The following TBC1D5 variants were observed in gnomAD, a reference collection of about 807,000 sequenced individuals.
TBC1D5 encodes TBC1 domain family, member 5.
In TBC1D5, 75 loss-of-function variants were observed where a neutral mutation model predicts 100.3. The ratio of observed to expected loss-of-function variants is 0.75; its 90% CI spans 0.62 to 0.91. The LOEUF is 0.91. Among genes scored for constraint, TBC1D5 ranks in the 40% least tolerant of loss-of-function variants. TBC1D5 has a pLI of 0.00. For synonymous variants in TBC1D5, 323 were observed against 325.6 expected, an observed-to-expected ratio of 0.99 and a Z score of 0.09; for missense variants, 910 against 942.4, an observed-to-expected ratio of 0.97 and a Z score of 0.45.
intron 1 of TBC1D5, among the ~76,000 whole-genome samples, chr3:17,667,984 A>G (rs1439157501): frequency 6.6e-6 from 1 of 151,776 alleles, no homozygotes; most frequent in Non-Finnish European, 1.5e-5. Flanking sequence ...TATTTCAAAC[A>G]GGTCCCCATT....
intron 2 of TBC1D5, among the ~76,000 whole-genome samples, chr3:17,531,986 G>A (rs1219422547): frequency 6.6e-6 from 1 of 152,100 alleles, no homozygotes; most frequent in Non-Finnish European, 1.5e-5. Flanking sequence ...TTGACAAATG[G>A]GATCTAATTA....
At chr3:17,483,404 T>C (rs1025871126) in intron 3 of TBC1D5, among the ~76,000 whole-genome samples, 2 of 152,334 alleles carry the variant, frequency 1.3e-5, no homozygotes, top group Non-Finnish European at 2.9e-5. Context: ...CCTATTTATA[T>C]TTGCCTTGGC....
chr3:17,487,422 A>ACC (rs2095583368), intron 3 of TBC1D5, among the ~76,000 whole-genome samples: 1 of 152,186 alleles, frequency 6.6e-6, no homozygotes, highest in African/African-American at 2.4e-5. Flanking sequence ...CATTTTTTGA[A>ACC]AAGCACTTTG....
At chr3:17,424,007 T>C (rs2094280214) in intron 4 of TBC1D5, among the ~76,000 whole-genome samples, 1 of 152,068 alleles carries the variant, frequency 6.6e-6, no homozygotes, top group Non-Finnish European at 1.5e-5. Flanking sequence ...ATAAGTTATT[T>C]TCTATATTGG....
At chr3:17,677,856 T>A (rs1387549563) in intron 1 of TBC1D5, among the ~76,000 whole-genome samples, 5 of 152,146 alleles carry the variant, frequency 3.3e-5, no homozygotes, top group Non-Finnish European at 5.9e-5. Context: ...GGGACATGGA[T>A]GAAGCTGGAA....
At chr3:17,346,052 T>C (rs922932870) in intron 13 of TBC1D5, among the ~76,000 whole-genome samples, 30 of 152,290 alleles carry the variant, frequency 2.0e-4, no homozygotes, top group African/African-American at 7.0e-4. Flanking sequence ...ACATGTACCC[T>C]AAAACTTAAA....
chr3:17,422,629 C>G (rs949448679), intron 4 of TBC1D5, among the ~76,000 whole-genome samples: 2 of 152,146 alleles, frequency 1.3e-5, no homozygotes, highest in Non-Finnish European at 2.9e-5. Context: ...TTCTAATATA[C>G]TAAATCACTG....
Position 17,256,812 on chromosome 3 carries a change from T to C in TBC1D5, c.1331+1694A>G, listed in dbSNP as rs193277468. On this transcript the variant is annotated intron_variant, in intron 16 of 21. Coordinates refer to ENST00000253692, the Ensembl canonical transcript of TBC1D5. ...GTTCATGATGATGGGATAGAGTGAA[T>C]AGGGGAGGTGAAGACAGGCAGGAGG... Among the ~76,000 whole-genome samples, 16 of 152,150 alleles carry C rather than the reference T, an allele frequency of 1.1e-4. No individual in the cohort carries two copies. In the East Asian group the frequency reaches 2.3e-3, roughly 22 times the overall value.
intron 2 of TBC1D5, among the ~76,000 whole-genome samples, chr3:17,530,882 G>C (rs991420674): frequency 2.0e-5 from 3 of 152,260 alleles, no homozygotes; most frequent in African/African-American, 7.2e-5. Context: ...ATATCATACC[G>C]AATGGACAAA....
At chr3:17,444,983 T>C (rs1015584677) in intron 3 of TBC1D5, among the ~76,000 whole-genome samples, 35 of 152,164 alleles carry the variant, frequency 2.3e-4, no homozygotes, top group African/African-American at 7.7e-4. Context: ...GAGAAATAAC[T>C]TCATTGAAAG....
At chr3:17,188,897 G>T (rs1487234715) in intron 18 of TBC1D5, among the ~76,000 whole-genome samples, 1 of 152,194 alleles carries the variant, frequency 6.6e-6, no homozygotes, top group Admixed American at 6.5e-5. Context: ...AGTGTTAATT[G>T]TTATGTGTAA....
chr3:17,654,221 AT>A (rs2065846190), intron 1 of TBC1D5, among the ~76,000 whole-genome samples: 2 of 152,160 alleles, frequency 1.3e-5, no homozygotes, highest in African/African-American at 4.8e-5. Context: ...AAGTATATTC[AT>A]TTTAGCAATA....
rs527788782 is a variant in TBC1D5, at chr3:17,679,150, T to C, written c.-100-55237A>G. 3.3e-5 allele frequency among the ~76,000 whole-genome samples: 5 copies of C among 150,720 alleles called. 1 individual carries two copies. In the South Asian group the frequency reaches 6.3e-4, roughly 19 times the overall value. Reference sequence around the variant, plus strand: ...TAAAGGTATCCAATCTCTGAGGAGATTGCTAAAATGTGGGACAGTGTGACT... The same window carrying C: ...TAAAGGTATCCAATCTCTGAGGAGACTGCTAAAATGTGGGACAGTGTGACT... On this transcript the variant is annotated intron_variant, in intron 1 of 21. Transcript: ENST00000253692.
intron 4 of TBC1D5, among the ~76,000 whole-genome samples, chr3:17,411,642 T>C (rs112092662): frequency 0.023 from 3,561 of 152,216 alleles, 64 homozygotes; most frequent in Admixed American, 0.036. Flanking sequence ...TACTAAGAAA[T>C]TGTAAAAGTA....
At chr3:17,740,375 C>A (rs186378554) in exon 1 of TBC1D5, 38 of 151,138 alleles carry the variant, frequency 2.5e-4, no homozygotes, top group African/African-American at 8.3e-4. Flanking sequence ...GCACTTACAA[C>A]AGTGTCCGGC....
chr3:17,472,191 T>C (rs1576206871), intron 3 of TBC1D5, among the ~76,000 whole-genome samples: 1 of 150,968 alleles, frequency 6.6e-6, no homozygotes, highest in Admixed American at 6.6e-5. Context: ...CAGGCTGGAG[T>C]GCAGTGATGT....
chr3:17,596,231 G>C (rs2060553882), intron 2 of TBC1D5, among the ~76,000 whole-genome samples: 1 of 151,594 alleles, frequency 6.6e-6, no homozygotes, highest in African/African-American at 2.4e-5. Flanking sequence ...AATCACTTGA[G>C]AAGCTTATTA....
At chr3:17,377,698 T>A (rs1470135132) in intron 9 of TBC1D5, among the ~76,000 whole-genome samples, 1 of 152,036 alleles carries the variant, frequency 6.6e-6, no homozygotes, top group Non-Finnish European at 1.5e-5. Flanking sequence ...AGTCTAGTAG[T>A]ACTGTACTAT....
At chr3:17,372,738 A>G (rs2092527444) in intron 12 of TBC1D5, among the ~76,000 whole-genome samples, 1 of 152,234 alleles carries the variant, frequency 6.6e-6, no homozygotes, top group South Asian at 2.1e-4. Flanking sequence ...TGATGTTCAT[A>G]TAAGTCTATG....
Sources: gnomAD v4.1 joint callset for allele counts (sites outside exome capture counted in the v4.1 genomes callset) on GRCh38, gnomAD v4.1.1 for gene constraint, MANE v1.5 for transcripts, NCBI Gene and HGNC (gene_info 2026-07-23, HGNC 2026-07-21) for gene names.